Variants in ZBTB4 observed in about 807,000 individuals in gnomAD.
ZBTB4 encodes zinc finger and BTB domain containing 4.
A neutral mutation model predicts 59.8 loss-of-function variants in ZBTB4; 14 were observed. The observed-to-expected ratio is 0.23, with a 90% confidence interval of 0.15 to 0.37. The LOEUF is 0.37. Among genes scored for constraint, ZBTB4 ranks in the 10% least tolerant of loss-of-function variants. The pLI, the probability that ZBTB4 is intolerant of heterozygous loss-of-function variation, is 1.00. For missense variants in ZBTB4, 1,198 were observed against 1,380.8 expected (o/e 0.87, Z 2.10); for synonymous variants, 587 against 575.2 (o/e 1.02, Z -0.29).
chr17:7,470,854 G>A lies in ZBTB4; in HGVS notation c.-80-3527C>T, dbSNP rs536649062. Among the ~76,000 whole-genome samples the A allele has an allele frequency of 3.9e-5, 6 of 152,296 alleles. No homozygotes were observed. The East Asian group carries it at 5.8e-4, about 15-fold the overall frequency. Reference sequence around the variant, plus strand: ...ACTTCACCATATATTAACGAAGGACGTGTTTATGGCACCCACTAGGGCACA... The same window carrying A: ...ACTTCACCATATATTAACGAAGGACATGTTTATGGCACCCACTAGGGCACA... On this transcript the variant is annotated intron_variant, in intron 1 of 3. Coordinates refer to ENST00000380599, the MANE Select transcript of ZBTB4 (RefSeq NM_001128833.2).
chr17:7,463,315 T>G lies in ZBTB4; in HGVS notation c.1667A>C (p.Glu556Ala). 1.2e-6 allele frequency: 2 copies of G among 1,609,094 alleles called. No individual in the cohort carries two copies. Among genetic ancestry groups the G allele is most frequent in the South Asian group, 2.2e-5 (2 of 90,022 alleles). The change falls in exon 4 of 4, where the codon GAG (glutamate) becomes GCG (alanine). Residue 556 changes from glutamate to alanine, a missense_variant. Glu to Ala is a moderately radical substitution (Grantham distance 107). This residue lies in a region of ZBTB4 where 550 missense variants were observed against 541.8 expected (regional missense o/e 1.02). Coordinates refer to ENST00000380599, the MANE Select transcript of ZBTB4 (RefSeq NM_001128833.2). ...AGPAMATTTE[E>A]AKGRNPRAGR... ...AGCCCGTGGATTCCGGCCCTTGGCCTCCTCCGTGGTGGTGGCCATGGCTGG... is the reference window on the plus strand; with the variant it reads ...AGCCCGTGGATTCCGGCCCTTGGCCGCCTCCGTGGTGGTGGCCATGGCTGG...
intron 1 of ZBTB4, among the ~76,000 whole-genome samples, chr17:7,471,643 T>C (rs1203636945): frequency 3.3e-5 from 5 of 152,190 alleles, no homozygotes; most frequent in Non-Finnish European, 7.3e-5. Context: ...CTGCAAGGCC[T>C]TATAGGAAGT....
chr17:7,481,530 G>A, upstream of ZBTB4: 1 of 1,550,234 alleles, frequency 6.5e-7, no homozygotes, highest in Non-Finnish European at 8.7e-7. Context: ...GTGAGTGTGG[G>A]GGCCAGGGGC....
At chr17:7,467,630 C>T (rs2070146471) in intron 1 of ZBTB4, among the ~76,000 whole-genome samples, 1 of 152,198 alleles carries the variant, frequency 6.6e-6, no homozygotes, top group African/African-American at 2.4e-5. Flanking sequence ...AATATAGTAG[C>T]ACAGGTCCAG....
chr17:7,462,885 C>T lies in ZBTB4; in HGVS notation c.2097G>A (p.Arg699=), dbSNP rs750449657. ...CCCAGCTCCTCCGTTCCAGCTTCTG[C>T]CTCCAACGTGGTGGCCGGCGGCCTC... ...LPRGRRPPRW[R]QKLERRSWEE... The change falls in exon 4 of 4, where the codon AGG becomes AGA. Residue 699 remains arginine (R), a synonymous_variant. Transcript: ENST00000380599. The surrounding 1 kb of genome is among the most constrained non-coding windows in gnomAD (Gnocchi z 7.5). The T allele has an allele frequency of 1.5e-5, 24 of 1,607,526 alleles. No homozygotes were observed. Among genetic ancestry groups the T allele is most frequent in the Non-Finnish European group, 2.0e-5 (24 of 1,179,880 alleles).
upstream of ZBTB4, chr17:7,482,085 C>G (rs1597785017): frequency 6.2e-7 from 1 of 1,614,212 alleles, no homozygotes; most frequent in African/African-American, 1.3e-5. Flanking sequence ...TGCCAGCCCT[C>G]TGATGCCACC....
Position 7,461,975 on chromosome 17 carries a change from C to T in ZBTB4, c.3007G>A (p.Gly1003Arg). 4 of 1,584,322 alleles carry T rather than the reference C, an allele frequency of 2.5e-6. No homozygotes were observed. The highest frequency in any genetic ancestry group is 3.4e-6 in the Non-Finnish European group (4 of 1,163,856). ...IPPKGEGERA[G>R]VERTQKGDVG ...TCGCCCTTCTGGGTTCTCTCAACCC[C>T]TGCCCTTTCCCCTTCTCCCTTAGGG... Residue 1003 changes from glycine (G) to arginine (R), a missense_variant, in exon 4 of 4, where the codon GGG becomes AGG. Physicochemically the swap from Gly to Arg is moderately radical, Grantham distance 125 (BLOSUM62 -2). This residue lies in a region of ZBTB4 where 211 missense variants were observed against 236.1 expected (regional missense o/e 0.89). Transcript: ENST00000380599.
Position 7,463,227 on chromosome 17 carries a change from G to A in ZBTB4, c.1755C>T (p.Pro585=), listed in dbSNP as rs754635815. ...GAGAGGGGCCCCGGCCAGCCCCTGTGGGGGGACCCCCACCTCCACCAATCC... is the reference window on the plus strand; with the variant it reads ...GAGAGGGGCCCCGGCCAGCCCCTGTAGGGGGACCCCCACCTCCACCAATCC... ...VGGIGGGGGP[P]TGAGRGPSQL... is the part of the protein sequence containing the mutation. The change falls in exon 4 of 4, where the codon CCC becomes CCT. Residue 585 remains proline (P), a synonymous_variant. Coordinates refer to ENST00000380599, the MANE Select transcript of ZBTB4 (RefSeq NM_001128833.2). 13 of 1,610,534 alleles carry A rather than the reference G, an allele frequency of 8.1e-6. No homozygotes were observed. The highest frequency in any genetic ancestry group is 1.1e-5 in the Non-Finnish European group (13 of 1,179,270).
upstream of ZBTB4, chr17:7,481,304 T>C (rs377680540): frequency 6.1e-5 from 42 of 690,784 alleles, no homozygotes; most frequent in African/African-American, 5.6e-4. Flanking sequence ...CACTCCAGCC[T>C]GGATAACAAG....
intron 1 of ZBTB4, among the ~76,000 whole-genome samples, chr17:7,475,377 C>T (rs570181327): frequency 6.6e-6 from 1 of 152,144 alleles, no homozygotes; most frequent in South Asian, 2.1e-4. Context: ...ATAAGTTGAC[C>T]ACTCTGGAGT....
upstream of ZBTB4, chr17:7,483,228 C>A (rs900315139): frequency 4.8e-5 from 40 of 835,406 alleles, 1 homozygote; most frequent in Admixed American, 5.9e-4. Flanking sequence ...GGAATCAGGG[C>A]ATAACTAAGG....
chr17:7,479,910 C>A (rs906508267), upstream of ZBTB4, among the ~76,000 whole-genome samples: 10 of 151,946 alleles, frequency 6.6e-5, no homozygotes, highest in African/African-American at 2.2e-4. Context: ...GCTCCCTCCG[C>A]CCTTCCTCCT....
upstream of ZBTB4, chr17:7,481,363 G>A: frequency 8.5e-6 from 10 of 1,174,284 alleles, no homozygotes; most frequent in Non-Finnish European, 1.1e-5. Flanking sequence ...AAGAAAAGAA[G>A]CAGAGTTGGA....
intron 1 of ZBTB4, among the ~76,000 whole-genome samples, chr17:7,473,110 ATTTT>A (rs71157291): frequency 1.5e-5 from 1 of 64,888 alleles, no homozygotes; most frequent in Admixed American, 2.0e-4. Flanking sequence ...GCGCGCCACC[ATTTT>A]TTTTTTTTTT....
intron 3 of ZBTB4, 82 bp downstream of exon 3, chr17:7,465,622 GGCCCCAA>G: frequency 2.1e-6 from 3 of 1,462,868 alleles, no homozygotes; most frequent in Non-Finnish European, 2.7e-6. Context: ...TAACTTTCTA[GGCCCCAA>G]GCCCCACCCA....
intron 3 of ZBTB4, among the ~76,000 whole-genome samples, chr17:7,464,708 C>T (rs957296198): frequency 9.3e-5 from 14 of 150,248 alleles, no homozygotes; most frequent in Admixed American, 7.3e-4. Context: ...CGTGGTGGCG[C>T]GCACCTGTAA....
intron 3 of ZBTB4, among the ~76,000 whole-genome samples, chr17:7,464,400 T>C (rs1597765688): frequency 8.2e-6 from 1 of 122,542 alleles, no homozygotes; most frequent in Non-Finnish European, 1.6e-5. Flanking sequence ...CACTCCCGCC[T>C]GGGCGACAGA....
chr17:7,476,988 C>G lies in ZBTB4; in HGVS notation c.-81+2468G>C, dbSNP rs112223386. ...GCTTCACCTCTTACTAGCTAAGTGA[C>G]TTGGGGCAGATTACTTAACTTCTCT... On this transcript the variant is annotated intron_variant, in intron 1 of 3. Coordinates refer to ENST00000380599, the MANE Select transcript of ZBTB4 (RefSeq NM_001128833.2). Among the ~76,000 whole-genome samples, 704 of 152,336 alleles carry G rather than the reference C, an allele frequency of 4.6e-3. 7 individuals carry two copies. The highest frequency in any genetic ancestry group is 0.016 in the African/African-American group (684 of 41,570).
chr17:7,473,352 T>G (rs2070226382), intron 1 of ZBTB4, among the ~76,000 whole-genome samples: 1 of 151,972 alleles, frequency 6.6e-6, no homozygotes, highest in African/African-American at 2.4e-5. Context: ...CCTGACCTTG[T>G]GATCTGCCCA....
Sources: allele counts gnomAD v4.1 joint callset (sites outside exome capture counted in the v4.1 genomes callset), GRCh38; gene constraint gnomAD v4.1.1; regional missense constraint gnomAD v4.1.1; non-coding constraint Gnocchi (gnomAD v3.1); transcripts MANE v1.5; gene names NCBI Gene and HGNC (gene_info 2026-07-23, HGNC 2026-07-21).